The following LINGO2 variants were observed in gnomAD, a reference collection of about 807,000 sequenced individuals.
LINGO2 encodes leucine rich repeat and Ig domain containing 2.
In LINGO2, 14 loss-of-function variants were observed where a neutral mutation model predicts 30.6. The observed-to-expected ratio is 0.46, with a 90% CI of 0.30 to 0.72. The LOEUF (loss-of-function observed/expected upper bound fraction) is 0.72, where lower values mean the gene tolerates loss of function less well. Among genes scored for constraint, LINGO2 ranks in the 30% least tolerant of loss-of-function variants. The pLI is 0.07. For missense variants in LINGO2, 729 were observed against 751.7 expected (o/e 0.97, Z 0.35); for synonymous variants, 317 against 288.5 (o/e 1.10, Z -1.00).
chr9:28,983,318 CAAAAAAAA>C, the LINGO2 span, among the ~76,000 whole-genome samples: 1 of 130,980 alleles, frequency 7.6e-6, no homozygotes, highest in Non-Finnish European at 1.6e-5. Context: ...ATGAGGTATC[CAAAAAAAA>C]AAAAAAAAGA....
chr9:28,198,961 T>C (rs1820116276), intron 4 of LINGO2, among the ~76,000 whole-genome samples: 2 of 152,224 alleles, frequency 1.3e-5, no homozygotes, highest in Admixed American at 1.3e-4. Flanking sequence ...ATTCTTTTCA[T>C]TGTAATTAAA....
chr9:27,972,870 C>T (rs1820420614), intron 5 of LINGO2, among the ~76,000 whole-genome samples: 1 of 152,178 alleles, frequency 6.6e-6, no homozygotes, highest in Non-Finnish European at 1.5e-5. Context: ...AAAACTTTAA[C>T]ACTTGAATCA....
At chr9:28,882,332 T>C in the LINGO2 span, among the ~76,000 whole-genome samples, 1 of 152,184 alleles carries the variant, frequency 6.6e-6, no homozygotes, top group Non-Finnish European at 1.5e-5. Flanking sequence ...TGGTCCAAAG[T>C]ATGCAATCTG....
chr9:28,961,612 C>T, the LINGO2 span, among the ~76,000 whole-genome samples: 2 of 152,116 alleles, frequency 1.3e-5, no homozygotes, highest in Non-Finnish European at 2.9e-5. Context: ...AGAAAATGAA[C>T]CTCCTGTAAT....
intron 2 of LINGO2, among the ~76,000 whole-genome samples, chr9:28,443,680 C>T (rs982087149): frequency 2.6e-5 from 4 of 152,226 alleles, no homozygotes; most frequent in Non-Finnish European, 4.4e-5. Context: ...ACCTTGGCCC[C>T]CTCTGGACTT....
At chr9:28,430,789 A>C (rs1420379867) in intron 2 of LINGO2, among the ~76,000 whole-genome samples, 1 of 152,096 alleles carries the variant, frequency 6.6e-6, no homozygotes, top group Admixed American at 6.5e-5. Flanking sequence ...GGGCTGGCTC[A>C]GCTGATGGTT....
chr9:28,874,196 T>C, the LINGO2 span, among the ~76,000 whole-genome samples: 7,580 of 152,086 alleles, frequency 0.05, 245 homozygotes, highest in Non-Finnish European at 0.073. Flanking sequence ...GGAATTACCA[T>C]TGTTTACTTT....
chr9:28,442,156 A>G (rs2135022372), intron 2 of LINGO2, among the ~76,000 whole-genome samples: 1 of 152,208 alleles, frequency 6.6e-6, no homozygotes, highest in Admixed American at 6.5e-5. Flanking sequence ...TTATAAAAAA[A>G]AAGTTTCCTA....
the LINGO2 span, among the ~76,000 whole-genome samples, chr9:28,774,039 G>T: frequency 1.1e-5 from 1 of 87,108 alleles, no homozygotes; most frequent in Non-Finnish European, 2.4e-5. Flanking sequence ...TTTTCTTTTT[G>T]ATACACACAC....
chr9:28,781,500 C>T, the LINGO2 span, among the ~76,000 whole-genome samples: 1 of 152,112 alleles, frequency 6.6e-6, no homozygotes, highest in African/African-American at 2.4e-5. Flanking sequence ...TTTTCCAGCT[C>T]TACAATTGGC....
the LINGO2 span, among the ~76,000 whole-genome samples, chr9:28,692,246 C>T: frequency 1.3e-5 from 2 of 151,864 alleles, no homozygotes; most frequent in Admixed American, 1.3e-4. Flanking sequence ...AGGTTGAGGT[C>T]GGCGGATCAC....
At chr9:28,707,150 G>C in the LINGO2 span, among the ~76,000 whole-genome samples, 1 of 152,132 alleles carries the variant, frequency 6.6e-6, no homozygotes, top group African/African-American at 2.4e-5. Flanking sequence ...ATATCCTAAA[G>C]ATGGCAAAGA....
chr9:28,719,160 G>A, the LINGO2 span, among the ~76,000 whole-genome samples: 1 of 151,960 alleles, frequency 6.6e-6, no homozygotes, highest in Non-Finnish European at 1.5e-5. Context: ...GAGTCTCCGA[G>A]CATTTCAAGG....
chr9:28,055,308 TA>T (rs1824874349), intron 4 of LINGO2, among the ~76,000 whole-genome samples: 2 of 152,014 alleles, frequency 1.3e-5, no homozygotes, highest in Non-Finnish European at 2.9e-5. Context: ...AATGGCTTAG[TA>T]ATTTCTTGAT....
intron 1 of LINGO2, among the ~76,000 whole-genome samples, chr9:28,567,077 A>G (rs1304536692): frequency 6.6e-6 from 1 of 152,178 alleles, no homozygotes; most frequent in Non-Finnish European, 1.5e-5. Context: ...CTTATTCATA[A>G]GGCTGTCTAT....
chr9:28,550,805 C>A (rs889132122), intron 1 of LINGO2, among the ~76,000 whole-genome samples: 3 of 151,672 alleles, frequency 2.0e-5, no homozygotes, highest in Non-Finnish European at 2.9e-5. Context: ...TTATAAAATT[C>A]TTGGTTAAGA....
chr9:28,351,930 G>T (rs1262088386), intron 3 of LINGO2, among the ~76,000 whole-genome samples: 1 of 150,670 alleles, frequency 6.6e-6, no homozygotes, highest in Non-Finnish European at 1.5e-5. Context: ...TGCAGAAAAA[G>T]CCTTTGACAA....
intron 1 of LINGO2, among the ~76,000 whole-genome samples, chr9:28,597,738 CTG>C (rs2135732425): frequency 6.6e-6 from 1 of 152,068 alleles, no homozygotes; most frequent in Non-Finnish European, 1.5e-5. Flanking sequence ...GTATGTATGT[CTG>C]TATGTATGCA....
chr9:29,021,681 AAAGGAAGG>A, the LINGO2 span, among the ~76,000 whole-genome samples: 15,768 of 93,524 alleles, frequency 0.17, 1,271 homozygotes, highest in Non-Finnish European at 0.18. Flanking sequence ...GAAAGAAAAG[AAAGGAAGG>A]AAGGAAGGAA....
Sources: gnomAD v4.1 joint callset for allele counts (sites outside exome capture counted in the v4.1 genomes callset) on GRCh38, gnomAD v4.1.1 for gene constraint, MANE v1.5 for transcripts, NCBI Gene and HGNC (gene_info 2026-07-23, HGNC 2026-07-21) for gene names.